LHFPL6: variants seen among roughly 807,000 people sequenced by gnomAD.
LHFPL6 encodes the protein LHFPL tetraspan subfamily member 6 protein.
Under a neutral mutation model 20.6 loss-of-function variants are expected in LHFPL6, and 9 were observed. That is an observed-to-expected ratio of 0.44 (90% CI 0.26 to 0.76). LHFPL6 has a LOEUF of 0.76. Among genes scored for constraint, LHFPL6 ranks in the 30% least tolerant of loss-of-function variants. LHFPL6 has a pLI of 0.20. For missense variants in LHFPL6, 218 were observed against 253.5 expected, an observed-to-expected ratio of 0.86 and a Z score of 0.95; for synonymous variants, 105 against 98.7, an observed-to-expected ratio of 1.06 and a Z score of -0.38.
chr13:39,544,433 T>A (rs1461615058), intron 2 of LHFPL6, among the ~76,000 whole-genome samples: 1 of 152,106 alleles, frequency 6.6e-6, no homozygotes, highest in Non-Finnish European at 1.5e-5. Flanking sequence ...GGAACAAAAA[T>A]CAAAAGGCTA....
intron 2 of LHFPL6, among the ~76,000 whole-genome samples, chr13:39,531,251 C>T (rs1242424818): frequency 6.6e-6 from 1 of 152,128 alleles, no homozygotes; most frequent in African/African-American, 2.4e-5. Context: ...AGGAAACATC[C>T]TTTTCTGAAT....
chr13:39,420,274 AAATGT>A (rs1871447093), intron 2 of LHFPL6, among the ~76,000 whole-genome samples: 2 of 152,228 alleles, frequency 1.3e-5, no homozygotes, highest in Non-Finnish European at 2.9e-5. Context: ...TTGCCCATCA[AAATGT>A]AATCCATACC....
At chr13:39,376,647 T>G (rs1870301332) in intron 3 of LHFPL6, among the ~76,000 whole-genome samples, 1 of 152,212 alleles carries the variant, frequency 6.6e-6, no homozygotes, top group Admixed American at 6.5e-5. Context: ...AACAGAATTT[T>G]TTTTCATAGA....
In LHFPL6 at chr13:39,467,025, G is replaced by T. The variant is rs1035603493; in HGVS notation, c.386-88499C>A. Among the ~76,000 whole-genome samples the T allele has an allele frequency of 3.9e-5, 6 of 152,088 alleles. No homozygotes were observed. The East Asian group carries it at 1.2e-3, about 29-fold the overall frequency. On this transcript the variant is annotated intron_variant, in intron 2 of 3. Transcript: ENST00000379589. ...GATAAAACACATGGGTGTGCCACGC[G>T]AATAGAAAAACAGACAAGTTCTGAT...
intron 2 of LHFPL6, among the ~76,000 whole-genome samples, chr13:39,383,738 G>A (rs1287735476): frequency 1.3e-5 from 2 of 152,090 alleles, no homozygotes; most frequent in Non-Finnish European, 2.9e-5. Flanking sequence ...GGGAGTTCTG[G>A]GTCATACTCT....
intron 2 of LHFPL6, among the ~76,000 whole-genome samples, chr13:39,545,847 G>C (rs1006739441): frequency 5.3e-5 from 8 of 152,114 alleles, no homozygotes; most frequent in Admixed American, 5.2e-4. Flanking sequence ...GAGACAGGAA[G>C]ATCACTTGAG....
chr13:39,428,839 A>G (rs565214550), intron 2 of LHFPL6, among the ~76,000 whole-genome samples: 170 of 152,292 alleles, frequency 1.1e-3, no homozygotes, highest in Non-Finnish European at 1.9e-3. Flanking sequence ...TTGCTCTAGC[A>G]GCATCTCACA....
Position 39,561,481 on chromosome 13 carries a change from AT to A in LHFPL6, c.385+39350del, listed in dbSNP as rs1257666876. 2.6e-5 allele frequency among the ~76,000 whole-genome samples: 4 copies of A among 152,194 alleles called. No individual in the cohort carries two copies. In the East Asian group the frequency reaches 7.7e-4, roughly 29 times the overall value. On this transcript the variant is annotated intron_variant, in intron 2 of 3. Transcript: ENST00000379589. ...GGCATTTGGTTTGTTAGTTCTGAAT[AT>A]TTTTAAGAGATGGGGTCTTGTTCTG...
At chr13:39,417,044 C>T (rs1350218995) in intron 2 of LHFPL6, among the ~76,000 whole-genome samples, 2 of 152,138 alleles carry the variant, frequency 1.3e-5, no homozygotes, top group African/African-American at 2.4e-5. Flanking sequence ...TAGAAGAGCC[C>T]GAAGGTGTAG....
At chr13:39,587,173 T>A (rs1217639761) in intron 2 of LHFPL6, among the ~76,000 whole-genome samples, 4 of 150,348 alleles carry the variant, frequency 2.7e-5, no homozygotes, top group African/African-American at 9.8e-5. Flanking sequence ...AAAAAAAGAA[T>A]CCTCAGCTTG....
intron 2 of LHFPL6, among the ~76,000 whole-genome samples, chr13:39,523,793 A>G (rs969355967): frequency 1.3e-5 from 2 of 152,202 alleles, no homozygotes; most frequent in African/African-American, 4.8e-5. Context: ...AAAAGATTTA[A>G]AAGTGAGTAA....
chr13:39,459,378 C>T (rs1392785008), intron 2 of LHFPL6, among the ~76,000 whole-genome samples: 5 of 151,052 alleles, frequency 3.3e-5, no homozygotes, highest in Admixed American at 2.0e-4. Flanking sequence ...TTTCTCTCTC[C>T]TTCCCTTCTT....
chr13:39,500,855 T>C (rs1464140946), intron 2 of LHFPL6, among the ~76,000 whole-genome samples: 1 of 152,180 alleles, frequency 6.6e-6, no homozygotes, highest in African/African-American at 2.4e-5. Context: ...GGACAAGAAA[T>C]TTGGATTGTG....
intron 2 of LHFPL6, among the ~76,000 whole-genome samples, chr13:39,434,238 A>G (rs1350773524): frequency 1.3e-5 from 2 of 152,234 alleles, no homozygotes; most frequent in South Asian, 4.1e-4. Flanking sequence ...CACTTTCCAC[A>G]TAGTCTTGTT....
chr13:39,411,653 C>T (rs1037651566), intron 2 of LHFPL6, among the ~76,000 whole-genome samples: 7 of 152,142 alleles, frequency 4.6e-5, no homozygotes, highest in African/African-American at 7.2e-5. Flanking sequence ...TCAGAAAAGG[C>T]GCTATGATTA....
At chr13:39,547,978 C>A (rs973933093) in intron 2 of LHFPL6, among the ~76,000 whole-genome samples, 3 of 151,972 alleles carry the variant, frequency 2.0e-5, no homozygotes, top group African/African-American at 7.3e-5. Flanking sequence ...TGTACCTTAT[C>A]CCACTCCCTG....
chr13:39,354,878 A>G (rs930670042), intron 3 of LHFPL6, among the ~76,000 whole-genome samples: 1 of 151,944 alleles, frequency 6.6e-6, no homozygotes, highest in African/African-American at 2.4e-5. Flanking sequence ...AAAAAGAATG[A>G]ACAAAACCTT....
At chr13:39,404,505 C>T (rs894197431) in intron 2 of LHFPL6, among the ~76,000 whole-genome samples, 2 of 152,184 alleles carry the variant, frequency 1.3e-5, no homozygotes, top group Non-Finnish European at 2.9e-5. Context: ...TCCCAATGCC[C>T]AGGCCACAGC....
chr13:39,429,125 A>G (rs1395870288), intron 2 of LHFPL6, among the ~76,000 whole-genome samples: 2 of 151,918 alleles, frequency 1.3e-5, no homozygotes, highest in Non-Finnish European at 2.9e-5. Flanking sequence ...TTGGGAGATT[A>G]CTGTGCAAAT....
Sources: allele counts gnomAD v4.1 joint callset (sites outside exome capture counted in the v4.1 genomes callset), GRCh38; gene constraint gnomAD v4.1.1; transcripts MANE v1.5; gene names NCBI Gene and HGNC (gene_info 2026-07-23, HGNC 2026-07-21).